The following MGAM2 variants were observed in gnomAD, a reference collection of about 807,000 sequenced individuals.
The protein encoded by MGAM2 is probable maltase-glucoamylase 2.
In MGAM2, 98 loss-of-function variants were observed where a neutral mutation model predicts 96.1. The observed-to-expected ratio is 1.02, with a 90% CI of 0.87 to 1.21. The LOEUF (loss-of-function observed/expected upper bound fraction) is 1.21. Among genes scored for constraint, MGAM2 ranks in the 50% most tolerant of loss-of-function variants. MGAM2 has a pLI of 0.00. For synonymous variants in MGAM2, 749 were observed against 414.8 expected (o/e 1.81, Z -9.79); for missense variants, 2,055 against 1,182.4 (o/e 1.74, Z -10.82).
At chr7:142,201,355 C>A (rs1302567533) in intron 45 of MGAM2, among the ~76,000 whole-genome samples, 1 of 152,068 alleles carries the variant, frequency 6.6e-6, no homozygotes, top group African/African-American at 2.4e-5. Flanking sequence ...CAGGTATGAG[C>A]CACCGTTCCC....
intron 19 of MGAM2, among the ~76,000 whole-genome samples, chr7:142,158,927 CCA>C (rs1795814149): frequency 6.6e-6 from 1 of 152,124 alleles, no homozygotes; most frequent in Non-Finnish European, 1.5e-5. Flanking sequence ...GTTGTTATAG[CCA>C]CACTATCTGA....
In MGAM2 at chr7:142,132,335, A is replaced by T. The variant is rs934674584; in HGVS notation, c.575+250A>T. On this transcript the variant is annotated intron_variant, in intron 6 of 47. Coordinates refer to ENST00000477922, the MANE Select transcript of MGAM2 (RefSeq NM_001293626.2). ...TTATATAATTATATAATACATAATT[A>T]TATGTAATTTAATATAATTTATATA... Among the ~76,000 whole-genome samples the T allele has an allele frequency of 3.4e-5, 5 of 145,882 alleles. No homozygotes were observed. In the East Asian group the frequency reaches 7.8e-4, roughly 23 times the overall value.
At chr7:142,116,828 T>C in intron 1 of MGAM2, 46 bp from the exon 2 acceptor site, 5 of 702,732 alleles carry the variant, frequency 7.1e-6, no homozygotes, top group Non-Finnish European at 1.3e-5. Context: ...CTTAGATTGG[T>C]GGGGCCTTGT....
chr7:142,175,606 G>A (rs2129092088), intron 31 of MGAM2, 46 bp from the exon 32 acceptor site: 1 of 698,402 alleles, frequency 1.4e-6, no homozygotes, highest in East Asian at 2.7e-5. Flanking sequence ...TGCCCTGCAG[G>A]GCACCTACTG....
At chr7:142,120,636 G>A (rs1794542223) in intron 3 of MGAM2, among the ~76,000 whole-genome samples, 1 of 152,206 alleles carries the variant, frequency 6.6e-6, no homozygotes, top group African/African-American at 2.4e-5. Context: ...GCGATTACAG[G>A]TGTTACTAAA....
In MGAM2 at chr7:142,133,896, GT is replaced by G. The variant is rs1365966845; in HGVS notation, c.576-84del. ...AACGCCTGAAACAACAGAGGTCTAA[GT>G]GTATGTGGAAAGGAGAAGATAGCTT... On this transcript the variant is annotated intron_variant, in intron 6 of 47. Coordinates refer to ENST00000477922, the MANE Select transcript of MGAM2 (RefSeq NM_001293626.2). 9 of 605,558 alleles carry G rather than the reference GT, an allele frequency of 1.5e-5. No individual in the cohort carries two copies. In the Admixed American group the frequency reaches 2.2e-4, roughly 15 times the overall value. 37.5% of individuals were successfully genotyped at this position (605,558 alleles called of 1,614,324 possible). A position where few individuals can be genotyped will look rare whatever the true frequency, so the allele number is the denominator to read the frequency against.
chr7:142,159,425 A>G (rs960811925), intron 20 of MGAM2, 82 bp downstream of exon 20: 5 of 677,388 alleles, frequency 7.4e-6, no homozygotes, highest in South Asian at 6.3e-5. Context: ...GGAGCTTGCC[A>G]TAGAATAATA....
At chr7:142,209,575 A>G (rs923200537) in intron 46 of MGAM2, among the ~76,000 whole-genome samples, 2 of 152,234 alleles carry the variant, frequency 1.3e-5, no homozygotes, top group Non-Finnish European at 2.9e-5. Flanking sequence ...AAGAAGTAAT[A>G]TAGCACAAAT....
At chr7:142,198,899 G>C (rs575164955) in intron 44 of MGAM2, among the ~76,000 whole-genome samples, 160 bp downstream of exon 44, 1 of 152,174 alleles carries the variant, frequency 6.6e-6, no homozygotes, top group East Asian at 1.9e-4. Context: ...AGTGGGACTC[G>C]GAGGAAGATG....
chr7:142,172,551 T>A, intron 29 of MGAM2, 101 bp from the exon 30 acceptor site: 1 of 591,986 alleles, frequency 1.7e-6, no homozygotes, highest in Admixed American at 3.0e-5. Flanking sequence ...AAGGCATGTA[T>A]CAAAGACAGA....
chr7:142,164,013 A>G (rs374042899), intron 23 of MGAM2, among the ~76,000 whole-genome samples: 2 of 152,186 alleles, frequency 1.3e-5, no homozygotes, highest in South Asian at 2.1e-4. Flanking sequence ...TTAAAAAAAT[A>G]TAGTCTTACC....
chr7:142,153,210 C>T (rs533424448), intron 15 of MGAM2, among the ~76,000 whole-genome samples: 4 of 152,210 alleles, frequency 2.6e-5, no homozygotes, highest in African/African-American at 9.6e-5. Flanking sequence ...CCATGTTGGC[C>T]AGGTTGGTCT....
intron 37 of MGAM2, among the ~76,000 whole-genome samples, chr7:142,195,616 C>T (rs1321547570): frequency 1.3e-5 from 2 of 151,798 alleles, no homozygotes; most frequent in African/African-American, 4.8e-5. Context: ...CTTGACCTCC[C>T]AAAATGCTGG....
At chr7:142,120,143 G>C (rs558310247) in intron 2 of MGAM2, among the ~76,000 whole-genome samples, 159 bp from the exon 3 acceptor site, 18 of 152,194 alleles carry the variant, frequency 1.2e-4, no homozygotes, top group Non-Finnish European at 1.9e-4. Flanking sequence ...ATAGATACCA[G>C]TTTGGAGAAG....
rs527404850 is a variant in MGAM2 at position 142,157,082 on chromosome 7, T to C, written c.1924-855T>C. 2.0e-4 allele frequency among the ~76,000 whole-genome samples: 31 copies of C among 152,226 alleles called. No homozygotes were observed. The South Asian group carries it at 5.8e-3, about 29-fold the overall frequency. On this transcript the variant is annotated intron_variant, in intron 17 of 47. Transcript: ENST00000477922. ...TGGGATAGGGAAAATAAAACAAATGTTGATGGTGGAAACATTACAGATAAA... is the reference window on the plus strand; with the variant it reads ...TGGGATAGGGAAAATAAAACAAATGCTGATGGTGGAAACATTACAGATAAA...
At chr7:142,208,750 T>C (rs1797487435) in intron 46 of MGAM2, 128 bp downstream of exon 46, 1 of 596,236 alleles carries the variant, frequency 1.7e-6, no homozygotes, top group Non-Finnish European at 3.0e-6. Flanking sequence ...ACTTTTATAA[T>C]CCAGGTCTGT....
At chr7:142,142,161 C>CAT (rs78453980) in intron 12 of MGAM2, among the ~76,000 whole-genome samples, 3 of 151,788 alleles carry the variant, frequency 2.0e-5, no homozygotes, top group East Asian at 3.9e-4. Context: ...ATTCTATTTA[C>CAT]TTTTTTTTCA....
intron 3 of MGAM2, among the ~76,000 whole-genome samples, chr7:142,124,973 C>G (rs1419296799): frequency 6.6e-6 from 1 of 152,002 alleles, no homozygotes; most frequent in Non-Finnish European, 1.5e-5. Flanking sequence ...ATGTTACCTG[C>G]AAATAATAAC....
chr7:142,187,994 T>C (rs1011262799), intron 36 of MGAM2, among the ~76,000 whole-genome samples, 160 bp downstream of exon 36: 4 of 152,126 alleles, frequency 2.6e-5, no homozygotes, highest in African/African-American at 9.7e-5. Flanking sequence ...GCAGCTAAAC[T>C]AATCAAGCAA....
Sources: gnomAD v4.1 joint callset for allele counts (sites outside exome capture counted in the v4.1 genomes callset) on GRCh38, gnomAD v4.1.1 for gene constraint, MANE v1.5 for transcripts, NCBI Gene and HGNC (gene_info 2026-07-23, HGNC 2026-07-21) for gene names.